COL22A1: variants seen among roughly 807,000 people sequenced by gnomAD.
COL22A1 encodes the protein collagen alpha-1(XXII) chain.
A neutral mutation model predicts 248.9 loss-of-function variants in COL22A1; 221 were observed. The ratio of observed to expected loss-of-function variants is 0.89; its 90% CI spans 0.80 to 0.99. The LOEUF (loss-of-function observed/expected upper bound fraction) is 0.99, where lower values mean the gene tolerates loss of function less well. Ranked by LOEUF, COL22A1 falls within the 50% of genes least tolerant of loss-of-function variation. The pLI is 0.00. For missense variants in COL22A1, 2,240 were observed against 2,179.0 expected (o/e 1.03, Z -0.56); for synonymous variants, 891 against 793.4 (o/e 1.12, Z -2.07).
intron 27 of COL22A1, among the ~76,000 whole-genome samples, chr8:138,720,523 T>G (rs1586564593): frequency 6.6e-6 from 1 of 152,158 alleles, no homozygotes; most frequent in East Asian, 1.9e-4. Context: ...TGGTGCCTTC[T>G]GTCCTAGAGG....
At chr8:138,669,397 G>A (rs1824815083) in intron 41 of COL22A1, among the ~76,000 whole-genome samples, 1 of 152,308 alleles carries the variant, frequency 6.6e-6, no homozygotes, top group East Asian at 1.9e-4. Context: ...CCTTTCCCAT[G>A]TCCGGTACCA....
chr8:138,686,155 A>G (rs1826329399), intron 37 of COL22A1, among the ~76,000 whole-genome samples: 1 of 152,202 alleles, frequency 6.6e-6, no homozygotes, highest in Non-Finnish European at 1.5e-5. Flanking sequence ...TCTTACAGTT[A>G]GGTTTTCAAC....
At chr8:138,715,079 G>A (rs939263155) in intron 30 of COL22A1, among the ~76,000 whole-genome samples, 1 of 152,220 alleles carries the variant, frequency 6.6e-6, no homozygotes, top group African/African-American at 2.4e-5. Flanking sequence ...GTGCTTGCAT[G>A]TCACAGGCAC....
intron 42 of COL22A1, among the ~76,000 whole-genome samples, chr8:138,663,425 A>G (rs1824164981): frequency 6.6e-6 from 1 of 152,162 alleles, no homozygotes; most frequent in South Asian, 2.1e-4. Flanking sequence ...AATTCATTAA[A>G]CCATGGCCAC....
chr8:138,820,477 G>GA (rs1272506502), intron 7 of COL22A1, among the ~76,000 whole-genome samples: 2 of 151,716 alleles, frequency 1.3e-5, no homozygotes, highest in Non-Finnish European at 2.9e-5. Flanking sequence ...TTAAAGAAAT[G>GA]AAAAAAACAG....
At chr8:138,911,139 C>T (rs1815424765) in intron 1 of COL22A1, among the ~76,000 whole-genome samples, 1 of 152,192 alleles carries the variant, frequency 6.6e-6, no homozygotes, top group African/African-American at 2.4e-5. Flanking sequence ...TAGTGGGGGA[C>T]TCACTCCCTA....
chr8:138,646,700 G>A lies in COL22A1; in HGVS notation c.3448-18C>T, dbSNP rs1564138911. On this transcript the variant is annotated intron_variant, in intron 46 of 64. Coordinates refer to ENST00000303045, the MANE Select transcript of COL22A1 (RefSeq NM_152888.3). The stretch of plus-strand genomic sequence containing the variant: ...GCCTCTCCCTGTATCAGGGATACAA[G>A]AAAAAAAAAGAAAACAAGAATGAGT... 1.3e-6 allele frequency: 2 copies of A among 1,514,952 alleles called. No homozygotes were observed. Among genetic ancestry groups the A allele is most frequent in the Admixed American group, 2.1e-5 (1 of 47,942 alleles). The allele number at this position is 1,514,952 out of a possible 1,614,324, so 93.8% of individuals were successfully genotyped here.
chr8:138,701,225 TC>T (rs1265254422), intron 31 of COL22A1, among the ~76,000 whole-genome samples: 1 of 152,186 alleles, frequency 6.6e-6, no homozygotes. Context: ...TGCATCTTGT[TC>T]TTTTCCTGGA....
At chr8:138,868,890 C>T (rs1055644522) in intron 3 of COL22A1, among the ~76,000 whole-genome samples, 1 of 152,102 alleles carries the variant, frequency 6.6e-6, no homozygotes, top group Non-Finnish European at 1.5e-5. Flanking sequence ...GCCACCACAC[C>T]CGGCTAATTT....
At chr8:138,718,923 G>A (rs564729353) in intron 27 of COL22A1, among the ~76,000 whole-genome samples, 7 of 152,248 alleles carry the variant, frequency 4.6e-5, no homozygotes, top group South Asian at 2.1e-4. Flanking sequence ...AGTAATTGTC[G>A]TAATCAATCC....
intron 21 of COL22A1, among the ~76,000 whole-genome samples, chr8:138,753,827 G>A (rs1832789513): frequency 6.6e-6 from 1 of 152,142 alleles, no homozygotes; most frequent in Admixed American, 6.5e-5. Flanking sequence ...TTTCATCTCA[G>A]GAAGAGGCCA....
rs371602268 is a variant in COL22A1 at position 138,793,304 on chromosome 8, C to A, written c.1596+3515G>T. The stretch of plus-strand genomic sequence containing the variant: ...CCTCTCTAGACGCTATCAATTCCCT[C>A]GGCCCACTCTGGTCTCCTCATTTCT... On this transcript the variant is annotated intron_variant, in intron 12 of 64. Coordinates refer to ENST00000303045, the MANE Select transcript of COL22A1 (RefSeq NM_152888.3). Among the ~76,000 whole-genome samples the A allele has an allele frequency of 4.6e-5, 7 of 152,258 alleles. No individual in the cohort carries two copies. The East Asian group carries it at 7.7e-4, about 17-fold the overall frequency.
chr8:138,692,355 CAT>C (rs1196382371), intron 35 of COL22A1, among the ~76,000 whole-genome samples: 11 of 132,816 alleles, frequency 8.3e-5, no homozygotes, highest in East Asian at 4.3e-4. Flanking sequence ...TATGTGTGCA[CAT>C]GTGTGCATGT....
intron 32 of COL22A1, among the ~76,000 whole-genome samples, chr8:138,695,696 G>T (rs1224159879): frequency 6.6e-6 from 1 of 152,110 alleles, no homozygotes; most frequent in Admixed American, 6.5e-5. Flanking sequence ...GATCCAAGAT[G>T]GGGCAGGCTC....
chr8:138,755,947 C>A, intron 18 of COL22A1, 118 bp from the exon 19 acceptor site: 1 of 797,402 alleles, frequency 1.3e-6, no homozygotes, highest in Non-Finnish European at 2.1e-6. Flanking sequence ...CTGTGCACCA[C>A]CACACATATC....
intron 12 of COL22A1, among the ~76,000 whole-genome samples, chr8:138,789,100 C>T (rs572441109): frequency 3.8e-4 from 58 of 152,262 alleles, no homozygotes; most frequent in Middle Eastern, 3.4e-3. Context: ...TGTGACTGGT[C>T]CATTAGACTT....
At chr8:138,788,907 G>A (rs1166369799) in intron 12 of COL22A1, among the ~76,000 whole-genome samples, 2 of 152,170 alleles carry the variant, frequency 1.3e-5, no homozygotes, top group Non-Finnish European at 2.9e-5. Flanking sequence ...GGAAAGCAAA[G>A]GTTACAGGGC....
chr8:138,825,751 C>G (rs1819529445), intron 6 of COL22A1: 1 of 152,048 alleles, frequency 6.6e-6, no homozygotes, highest in Non-Finnish European at 1.5e-5. Flanking sequence ...TATTTTAGCC[C>G]CCAGTGAAAG....
At chr8:138,695,330 C>A (rs948344938) in intron 32 of COL22A1, among the ~76,000 whole-genome samples, 3 of 152,126 alleles carry the variant, frequency 2.0e-5, no homozygotes, top group African/African-American at 7.2e-5. Flanking sequence ...ACTACTTTTT[C>A]TCCCTCTCTT....
Sources: allele counts gnomAD v4.1 joint callset (sites outside exome capture counted in the v4.1 genomes callset), GRCh38; gene constraint gnomAD v4.1.1; transcripts MANE v1.5; gene names NCBI Gene and HGNC (gene_info 2026-07-23, HGNC 2026-07-21).